Variants in GUSB observed in about 807,000 individuals in gnomAD.
The protein encoded by GUSB is beta-glucuronidase.
A neutral mutation model predicts 74.6 loss-of-function variants in GUSB; 51 were observed. The ratio of observed to expected loss-of-function variants is 0.68; its 90% confidence interval spans 0.55 to 0.86. GUSB has a LOEUF of 0.86. GUSB is among the 40% of genes least tolerant of loss of function. The pLI, the probability that GUSB is intolerant of heterozygous loss-of-function variation, is 0.00. For missense variants in GUSB, 736 were observed against 853.7 expected, an observed-to-expected ratio of 0.86 and a Z score of 1.72; for synonymous variants, 360 against 348.3, an observed-to-expected ratio of 1.03 and a Z score of -0.37.
At chr7:65,981,865 G>A in intron 1 of GUSB, 109 bp downstream of exon 1, 1 of 990,162 alleles carries the variant, frequency 1.0e-6, no homozygotes, top group Non-Finnish European at 1.5e-6. Context: ...AACCTCCTGC[G>A]GGCCCCAGCT....
At chr7:65,970,772 T>C (rs960053233) in intron 8 of GUSB, among the ~76,000 whole-genome samples, 4 of 151,882 alleles carry the variant, frequency 2.6e-5, no homozygotes, top group Non-Finnish European at 4.4e-5. Context: ...GCCTATAGTC[T>C]GAGCTACTCA....
At position 65,974,290 on chromosome 7, in the gene GUSB, C is replaced by A. The variant is rs768780031; in HGVS notation, c.1391+5G>T. 6.2e-7 allele frequency: 1 copy of A among 1,614,026 alleles called. No homozygotes were observed. Among genetic ancestry groups the A allele is most frequent in the Admixed American group, 1.7e-5 (1 of 60,002 alleles). On this transcript the variant is annotated splice_donor_5th_base_variant and intron_variant, in intron 8 of 11. Transcript: ENST00000304895. ...TCTAGCCGAGGGCAGGGAGGGAGCA[C>A]TCACTTCAAGTAGTAGCCAGCAGAT... is the stretch of plus-strand genomic sequence containing the variant.
intron 10 of GUSB, among the ~76,000 whole-genome samples, chr7:65,967,237 T>C (rs946095506): frequency 3.3e-5 from 5 of 152,078 alleles, no homozygotes; most frequent in African/African-American, 1.2e-4. Flanking sequence ...GGCAGATCAC[T>C]TGAGGCCAGG....
rs1413254004 is a variant in GUSB at position 65,979,836 on chromosome 7, G to A, written c.472C>T (p.Gln158Ter). 6.2e-7 allele frequency: 1 copy of A among 1,613,612 alleles called. No homozygotes were observed. The highest frequency in any genetic ancestry group is 8.5e-7 in the Non-Finnish European group (1 of 1,179,896). ...PFEADISNLVQVGPLPSRLRI... is the reference protein window; with the variant it reads ...PFEADISNLV ...AGCCGGGAGGGCAGGGGCCCCACCT[G>A]GACCAGGTTGCTGATGTCGGCCTCG... The change falls in exon 3 of 12, where the codon CAG becomes TAG. Residue 158 changes from glutamine (Q) to a stop codon, truncating the protein, a stop_gained. Coordinates refer to ENST00000304895, the MANE Select transcript of GUSB (RefSeq NM_000181.4). LOFTEE classifies it high-confidence loss of function.
Position 65,974,546 on chromosome 7 carries a change from G to A in GUSB, c.1224C>T (p.Pro408=), listed in dbSNP as rs757418833. 6.2e-6 allele frequency: 10 copies of A among 1,614,064 alleles called. No individual in the cohort carries two copies. The highest frequency in any genetic ancestry group is 4.0e-5 in the African/African-American group (3 of 74,952). ...RYGIVVIDEC[P]GVGLALPQFF... ...CTCACGGCAGCGCCAGGCCCACGCC[G>A]GGACACTCATCGATGACCACAATCC... is the stretch of plus-strand genomic sequence containing the variant. The change falls in exon 7 of 12, where the codon CCC becomes CCT. Residue 408 remains proline, a synonymous_variant. Coordinates refer to ENST00000304895, the MANE Select transcript of GUSB (RefSeq NM_000181.4).
chr7:65,973,641 C>T (rs1489219826), intron 8 of GUSB, among the ~76,000 whole-genome samples: 1 of 152,144 alleles, frequency 6.6e-6, no homozygotes, highest in Non-Finnish European at 1.5e-5. Flanking sequence ...CCTGTAATCC[C>T]AGCTACTCGG....
rs777871501 is a variant in GUSB, at chr7:65,974,543, G to A, written c.1227C>T (p.Gly409=). 2.0e-5 allele frequency: 33 copies of A among 1,614,064 alleles called. No homozygotes were observed. Among genetic ancestry groups the A allele is most frequent in the Middle Eastern group, 1.6e-4 (1 of 6,084 alleles). ...YGIVVIDECP[G]VGLALPQFFN... Reference sequence around the variant, plus strand: ...AGACTCACGGCAGCGCCAGGCCCACGCCGGGACACTCATCGATGACCACAA... The same window carrying A: ...AGACTCACGGCAGCGCCAGGCCCACACCGGGACACTCATCGATGACCACAA... The change falls in exon 7 of 12, where the codon GGC becomes GGT. Residue 409 remains glycine (G), a synonymous_variant. Transcript: ENST00000304895.
intron 1 of GUSB, 182 bp downstream of exon 1, chr7:65,981,792 G>T: frequency 1.7e-6 from 1 of 575,856 alleles, no homozygotes; most frequent in Non-Finnish European, 3.0e-6. Flanking sequence ...ATCCGCCCCG[G>T]CCCTCCAGGG....
intron 10 of GUSB, among the ~76,000 whole-genome samples, chr7:65,965,301 G>A (rs1210722935): frequency 4.0e-5 from 6 of 151,870 alleles, no homozygotes; most frequent in Non-Finnish European, 8.8e-5. Context: ...AGCTACTTGG[G>A]GCTAAGGAGG....
chr7:65,980,045 C>G, intron 2 of GUSB, 134 bp from the exon 3 acceptor site: 1 of 945,208 alleles, frequency 1.1e-6, no homozygotes, highest in Non-Finnish European at 1.6e-6. Flanking sequence ...GAATGACATC[C>G]CAATGGGGTA....
At chr7:65,970,261 G>A (rs1255007901) in intron 9 of GUSB, 21 bp downstream of exon 9, 1 of 1,532,490 alleles carries the variant, frequency 6.5e-7, no homozygotes, top group Non-Finnish European at 9.0e-7. Flanking sequence ...GGAGAAGTGG[G>A]GTGGGGACCC....
intron 10 of GUSB, among the ~76,000 whole-genome samples, chr7:65,966,030 C>A (rs554036949): frequency 6.6e-6 from 1 of 152,048 alleles, no homozygotes; most frequent in Non-Finnish European, 1.5e-5. Flanking sequence ...ATGAGGTGGG[C>A]GTGGTGGCGC....
In GUSB at chr7:65,965,982, C is replaced by T. The variant is rs887564709; in HGVS notation, c.1654-1524G>A. Among the ~76,000 whole-genome samples, 18 of 151,980 alleles carry T rather than the reference C, an allele frequency of 1.2e-4. 1 individual carries two copies. Among genetic ancestry groups the T allele is most frequent in the Admixed American group, 1.1e-3 (17 of 15,282 alleles). On this transcript the variant is annotated intron_variant, in intron 10 of 11. Coordinates refer to ENST00000304895, the MANE Select transcript of GUSB (RefSeq NM_000181.4). ...GGTCAGGAGTTCAAGACCAGCCTGA[C>T]CAACATGGTGAAACCTCATCTCTAC...
intron 1 of GUSB, chr7:65,980,639 T>C: frequency 1.8e-6 from 1 of 564,520 alleles, no homozygotes. Context: ...CAATATCTCC[T>C]GAGACAGGAG....
chr7:65,968,000 A>G, intron 9 of GUSB, 93 bp from the exon 10 acceptor site: 1 of 1,053,824 alleles, frequency 9.5e-7, no homozygotes, highest in Non-Finnish European at 1.4e-6. Context: ...AGAGAAGGTA[A>G]GGGGGATGTA....
At chr7:65,972,833 GC>G (rs1791303892) in intron 8 of GUSB, among the ~76,000 whole-genome samples, 1 of 151,976 alleles carries the variant, frequency 6.6e-6, no homozygotes, top group South Asian at 2.1e-4. Flanking sequence ...ACACCCCTGT[GC>G]CCCCAAGCTC....
chr7:65,979,966 C>T, intron 2 of GUSB, 55 bp from the exon 3 acceptor site: 1 of 1,431,414 alleles, frequency 7.0e-7, no homozygotes. Flanking sequence ...TGAGGAGGCG[C>T]CCTACTATCG....
In GUSB at chr7:65,960,986, G is replaced by A. The variant is rs751840849; in HGVS notation, c.1867C>T (p.Arg623Ter). 9.3e-6 allele frequency: 15 copies of A among 1,613,144 alleles called. No individual in the cohort carries two copies. The highest frequency in any genetic ancestry group is 2.2e-5 in the East Asian group (1 of 44,856). ...RQPKSAAFLL[R>*]ERYWKIANET... ...TTGGCAATCTTCCAGTATCTCTCTC[G>A]CAAAAGGAACGCTGCACTTTTTGGT... The change falls in exon 12 of 12, where the codon CGA becomes TGA. Residue 623 changes from arginine to a stop codon, truncating the protein, a stop_gained. Transcript: ENST00000304895. LOFTEE classifies it low-confidence loss of function (END_TRUNC).
Position 65,982,142 on chromosome 7 carries a change from C to T in GUSB, c.42G>A (p.Pro14=). 6.5e-7 allele frequency: 1 copy of T among 1,543,074 alleles called. No individual in the cohort carries two copies. Among genetic ancestry groups the T allele is most frequent in the South Asian group, 1.2e-5 (1 of 84,704 alleles). The change falls in exon 1 of 12, where the codon CCG becomes CCA. Residue 14 remains proline (P), a synonymous_variant. Transcript: ENST00000304895. ...GSAVAWAALG[P]LLWGCALGLQ... ...GCCCCAGCGCGCAGCCCCACAACAACGGCCCGAGCGCCGCCCAGGCAACCG... is the reference window on the plus strand; with the variant it reads ...GCCCCAGCGCGCAGCCCCACAACAATGGCCCGAGCGCCGCCCAGGCAACCG...
Sources: allele counts gnomAD v4.1 joint callset (sites outside exome capture counted in the v4.1 genomes callset), GRCh38; gene constraint gnomAD v4.1.1; transcripts MANE v1.5; gene names NCBI Gene and HGNC (gene_info 2026-07-23, HGNC 2026-07-21).